SHISA6: variants seen among roughly 807,000 people sequenced by gnomAD.
The protein encoded by SHISA6 is shisa family member 6.
Under a neutral mutation model 47.9 loss-of-function variants are expected in SHISA6, and 22 were observed. The ratio of observed to expected loss-of-function variants is 0.46; its 90% CI spans 0.33 to 0.66. The LOEUF (loss-of-function observed/expected upper bound fraction) is 0.66, where lower values mean the gene tolerates loss of function less well. Ranked by LOEUF, SHISA6 falls within the 30% of genes least tolerant of loss-of-function variation. The probability of loss-of-function intolerance (pLI) is 0.02; values close to 1 mark genes in which losing one functional copy is unlikely to be tolerated. For synonymous variants in SHISA6, 388 were observed against 337.8 expected, an observed-to-expected ratio of 1.15 and a Z score of -1.63; for missense variants, 680 against 764.6, an observed-to-expected ratio of 0.89 and a Z score of 1.30.
chr17:11,416,148 T>C (rs1914273535), intron 3 of SHISA6, among the ~76,000 whole-genome samples: 1 of 152,154 alleles, frequency 6.6e-6, no homozygotes, highest in East Asian at 1.9e-4. Context: ...GCCATCACAT[T>C]GGGCATTTAG....
chr17:11,443,174 C>T (rs1915138239), intron 3 of SHISA6, among the ~76,000 whole-genome samples: 1 of 152,118 alleles, frequency 6.6e-6, no homozygotes, highest in African/African-American at 2.4e-5. Context: ...CGAAGGACAC[C>T]CCTGGGATTT....
At chr17:11,453,903 G>C (rs1915465617) in intron 3 of SHISA6, among the ~76,000 whole-genome samples, 1 of 152,172 alleles carries the variant, frequency 6.6e-6, no homozygotes, top group Non-Finnish European at 1.5e-5. Flanking sequence ...TAAGGGTTAG[G>C]ACGTACTACA....
chr17:11,551,979 A>T, intron 4 of SHISA6, 27 bp downstream of exon 4: 1 of 1,549,970 alleles, frequency 6.5e-7, no homozygotes, highest in Non-Finnish European at 8.7e-7. Flanking sequence ...AGCACTCTGC[A>T]TTTCCTCCTT....
chr17:11,478,431 A>C (rs1445466394), intron 3 of SHISA6, among the ~76,000 whole-genome samples: 7 of 138,248 alleles, frequency 5.1e-5, no homozygotes, highest in African/African-American at 1.9e-4. Context: ...TTAATTAGAT[A>C]CCATTTGTCA....
intron 3 of SHISA6, among the ~76,000 whole-genome samples, chr17:11,452,924 C>T (rs1310748516): frequency 1.3e-5 from 2 of 150,720 alleles, no homozygotes; most frequent in African/African-American, 2.5e-5. Flanking sequence ...TCTCCTCCCC[C>T]TTCTCCCCCT....
chr17:11,289,975 A>C (rs1909462479), intron 2 of SHISA6: 1 of 152,152 alleles, frequency 6.6e-6, no homozygotes, highest in East Asian at 1.9e-4. Context: ...CTCTAACAGT[A>C]GGTATAACTG....
chr17:11,286,326 A>T (rs1393485012), intron 2 of SHISA6, among the ~76,000 whole-genome samples: 1 of 151,970 alleles, frequency 6.6e-6, no homozygotes, highest in African/African-American at 2.4e-5. Flanking sequence ...ACACAATTCT[A>T]TGCTTTTGTT....
At chr17:11,307,985 G>C (rs1179780663) in intron 2 of SHISA6, among the ~76,000 whole-genome samples, 1 of 152,110 alleles carries the variant, frequency 6.6e-6, no homozygotes, top group African/African-American at 2.4e-5. Context: ...GTTTCTTCCG[G>C]TGCCTCCAAA....
At chr17:11,426,378 G>T (rs909429029) in intron 3 of SHISA6, among the ~76,000 whole-genome samples, 4 of 152,188 alleles carry the variant, frequency 2.6e-5, no homozygotes, top group Non-Finnish European at 5.9e-5. Context: ...GAATGACAGA[G>T]AATAATCATG....
chr17:11,276,840 A>G (rs972803066), intron 2 of SHISA6, among the ~76,000 whole-genome samples: 7 of 152,226 alleles, frequency 4.6e-5, no homozygotes, highest in African/African-American at 7.2e-5. Context: ...GACGACTTCA[A>G]TAGGTATCTT....
intron 2 of SHISA6, among the ~76,000 whole-genome samples, chr17:11,366,488 A>G (rs1912453932): frequency 1.3e-5 from 2 of 152,206 alleles, no homozygotes; most frequent in African/African-American, 4.8e-5. Context: ...TTTTAAGGAG[A>G]GGCATAGAAT....
intron 1 of SHISA6, among the ~76,000 whole-genome samples, chr17:11,251,443 A>G (rs1907801864): frequency 6.6e-6 from 1 of 152,152 alleles, no homozygotes; most frequent in Non-Finnish European, 1.5e-5. Flanking sequence ...AAACTTGACA[A>G]TATTGAAAGA....
chr17:11,441,089 CA>C (rs896716275), intron 3 of SHISA6, among the ~76,000 whole-genome samples: 3 of 151,856 alleles, frequency 2.0e-5, no homozygotes, highest in South Asian at 2.1e-4. Context: ...GGAACAACAA[CA>C]AAAAAAACCT....
chr17:11,348,740 A>G (rs1454424121), intron 2 of SHISA6, among the ~76,000 whole-genome samples: 1 of 152,000 alleles, frequency 6.6e-6, no homozygotes, highest in East Asian at 1.9e-4. Flanking sequence ...TTAACAGTCT[A>G]CCCAATCTGT....
At chr17:11,269,276 G>A (rs775800461) in intron 2 of SHISA6, among the ~76,000 whole-genome samples, 4 of 152,060 alleles carry the variant, frequency 2.6e-5, no homozygotes, top group East Asian at 3.9e-4. Context: ...TCTTGACCTC[G>A]TGACCCACCC....
At chr17:11,519,147 G>T (rs1031503745) in intron 3 of SHISA6, among the ~76,000 whole-genome samples, 1 of 152,142 alleles carries the variant, frequency 6.6e-6, no homozygotes, top group African/African-American at 2.4e-5. Context: ...AGGTGCTCTA[G>T]TTTCTCTTAG....
At chr17:11,315,388 C>T (rs1020748882) in intron 2 of SHISA6, among the ~76,000 whole-genome samples, 3 of 152,090 alleles carry the variant, frequency 2.0e-5, no homozygotes, top group African/African-American at 7.2e-5. Flanking sequence ...CAAAGAATGA[C>T]AGCTATGCCT....
At chr17:11,521,997 G>T (rs958497120) in intron 3 of SHISA6, among the ~76,000 whole-genome samples, 1 of 151,164 alleles carries the variant, frequency 6.6e-6, no homozygotes, top group African/African-American at 2.4e-5. Context: ...ACAGAGTCTC[G>T]CTCTGTCACC....
Position 11,241,639 on chromosome 17 carries a change from C to G in SHISA6, c.217C>G (p.Arg73Gly), listed in dbSNP as rs1422869828. ...GCCCGGAATCCCGGAGGCGGGAAGC[C>G]GGCGGGGGCAGCCCGCGGCGGCTGT... ...RAPGIPEAGS[R>G]RGQPAAAVAA... The change falls in exon 1 of 6, where the codon CGG becomes GGG. Residue 73 changes from arginine to glycine, a missense_variant. By Grantham distance (125) the Arg-to-Gly change is moderately radical. Coordinates refer to ENST00000441885, the MANE Select transcript of SHISA6 (RefSeq NM_207386.4). The surrounding 1 kb of genome is among the most constrained non-coding windows in gnomAD (Gnocchi z 5.5). 1.3e-5 allele frequency: 18 copies of G among 1,359,510 alleles called. No homozygotes were observed. Among genetic ancestry groups the G allele is most frequent in the African/African-American group, 6.2e-5 (4 of 64,840 alleles). 84.2% of individuals were successfully genotyped at this position (1,359,510 alleles called of 1,614,324 possible). A position where few individuals can be genotyped will look rare whatever the true frequency, so the allele number is the denominator to read the frequency against.
Sources: allele counts gnomAD v4.1 joint callset (sites outside exome capture counted in the v4.1 genomes callset), GRCh38; gene constraint gnomAD v4.1.1; non-coding constraint Gnocchi (gnomAD v3.1); transcripts MANE v1.5; gene names NCBI Gene and HGNC (gene_info 2026-07-23, HGNC 2026-07-21).